The following RORA variants were observed in gnomAD, a reference collection of about 807,000 sequenced individuals.
The protein encoded by RORA is nuclear receptor ROR-alpha.
A neutral mutation model predicts 69.5 loss-of-function variants in RORA; 7 were observed. That is an observed-to-expected ratio of 0.10 (90% CI 0.06 to 0.19). RORA has a LOEUF of 0.19. RORA is among the 10% of genes least tolerant of loss of function. The pLI is 1.00. For missense variants in RORA, 457 were observed against 663.0 expected, an observed-to-expected ratio of 0.69 and a Z score of 3.41; for synonymous variants, 261 against 240.8, an observed-to-expected ratio of 1.08 and a Z score of -0.78.
At chr15:61,107,458 G>A (rs963407730) in intron 1 of RORA, among the ~76,000 whole-genome samples, 1 of 152,074 alleles carries the variant, frequency 6.6e-6, no homozygotes, top group African/African-American at 2.4e-5. Context: ...CAAGTTGGTA[G>A]GAACGTGAGA....
At chr15:60,778,626 G>C (rs904514560) in intron 1 of RORA, among the ~76,000 whole-genome samples, 5 of 152,032 alleles carry the variant, frequency 3.3e-5, no homozygotes, top group Admixed American at 2.0e-4. Context: ...TGAAGGTAGG[G>C]GGTCAGGAAC....
In RORA at chr15:60,496,127, T is replaced by C. The variant is rs528172305; in HGVS notation, c.*1328A>G. Reference sequence around the variant, plus strand: ...CGTTTTTCAAATATGGAGAGCAACATTCTTGAATTATAGCATCTATTGACA... The same window carrying C: ...CGTTTTTCAAATATGGAGAGCAACACTCTTGAATTATAGCATCTATTGACA... On this transcript the variant is annotated 3_prime_UTR_variant, in exon 11 of 11. Transcript: ENST00000335670. This position sits in a 1 kb window ranked among gnomAD's most constrained non-coding sequence, Gnocchi z 4.5. 7 of 152,300 alleles carry C rather than the reference T, an allele frequency of 4.6e-5. No homozygotes were observed. The highest frequency in any genetic ancestry group is 4.6e-4 in the Admixed American group (7 of 15,302). The allele number at this position is 152,300 out of a possible 1,614,324, so 9.4% of individuals were successfully genotyped here.
chr15:60,543,759 G>T (rs2066980177), intron 2 of RORA, among the ~76,000 whole-genome samples: 1 of 152,146 alleles, frequency 6.6e-6, no homozygotes, highest in African/African-American at 2.4e-5. Flanking sequence ...TGGGATCACT[G>T]TCTATCTTTT....
intron 1 of RORA, among the ~76,000 whole-genome samples, chr15:61,221,560 T>C (rs1398910646): frequency 6.6e-6 from 1 of 152,244 alleles, no homozygotes; most frequent in Non-Finnish European, 1.5e-5. Context: ...TCTTATCACG[T>C]GTACAATCCC....
At chr15:61,099,230 A>C (rs2078842960) in intron 1 of RORA, among the ~76,000 whole-genome samples, 1 of 152,234 alleles carries the variant, frequency 6.6e-6, no homozygotes, top group Non-Finnish European at 1.5e-5. Context: ...TCAGATTGGA[A>C]TGGGAATTGC....
intron 1 of RORA, among the ~76,000 whole-genome samples, chr15:60,985,463 T>A (rs952822244): frequency 2.0e-5 from 3 of 152,138 alleles, no homozygotes; most frequent in Non-Finnish European, 4.4e-5. Flanking sequence ...AAAAATGAAA[T>A]CCTTTTTAAA....
intron 2 of RORA, among the ~76,000 whole-genome samples, chr15:60,574,448 T>A (rs2067970014): frequency 6.6e-6 from 1 of 152,214 alleles, no homozygotes; most frequent in African/African-American, 2.4e-5. Flanking sequence ...TCAGCCCCCA[T>A]CTGACCAGAC....
Position 61,184,697 on chromosome 15 carries a change from C to G in RORA, c.166+44356G>C, listed in dbSNP as rs143198737. 5.5e-3 allele frequency among the ~76,000 whole-genome samples: 831 copies of G among 152,230 alleles called. 4 individuals carry two copies. Among genetic ancestry groups the G allele is most frequent in the Non-Finnish European group, 8.7e-3 (594 of 68,008 alleles). On this transcript the variant is annotated intron_variant, in intron 1 of 10. Coordinates refer to ENST00000335670, the MANE Select transcript of RORA (RefSeq NM_134261.3). ...GCTGAATCAAAGGACTGTTAGGAGACTGTTAGGCTGGGAGTGATGGCTCAA... is the reference window on the plus strand; with the variant it reads ...GCTGAATCAAAGGACTGTTAGGAGAGTGTTAGGCTGGGAGTGATGGCTCAA...
At chr15:60,793,608 C>T (rs1432861757) in intron 1 of RORA, among the ~76,000 whole-genome samples, 3 of 152,102 alleles carry the variant, frequency 2.0e-5, no homozygotes, top group Non-Finnish European at 2.9e-5. Flanking sequence ...TAGTCAAGTG[C>T]GAAAGTTCAC....
chr15:61,208,746 T>C (rs924164354), intron 1 of RORA, among the ~76,000 whole-genome samples: 9 of 152,256 alleles, frequency 5.9e-5, no homozygotes, highest in East Asian at 1.9e-4. Context: ...ACATAATTAA[T>C]GGTGGGCTGG....
At chr15:61,199,733 G>A (rs1288188371) in intron 1 of RORA, among the ~76,000 whole-genome samples, 2 of 152,154 alleles carry the variant, frequency 1.3e-5, no homozygotes, top group East Asian at 1.9e-4. Flanking sequence ...TGGGAAGGGG[G>A]GGAAATGTAA....
intron 1 of RORA, among the ~76,000 whole-genome samples, chr15:60,691,571 G>A (rs2070826384): frequency 6.6e-6 from 1 of 152,156 alleles, no homozygotes; most frequent in African/African-American, 2.4e-5. Flanking sequence ...TAGAGGGTGA[G>A]ACAAGTGCTA....
intron 2 of RORA, among the ~76,000 whole-genome samples, chr15:60,606,979 C>T (rs891463714): frequency 3.3e-5 from 5 of 152,140 alleles, no homozygotes; most frequent in Admixed American, 1.3e-4. Flanking sequence ...TACTCCGAGG[C>T]TTTTTTCTCT....
intron 1 of RORA, among the ~76,000 whole-genome samples, chr15:60,829,591 A>G (rs76633163): frequency 0.043 from 6,604 of 152,236 alleles, 211 homozygotes; most frequent in Middle Eastern, 0.085. Context: ...ACATGGTATA[A>G]GCTCGCCAGG....
chr15:60,799,405 T>C (rs2072546677), intron 1 of RORA, among the ~76,000 whole-genome samples: 2 of 152,070 alleles, frequency 1.3e-5, no homozygotes. Context: ...ATGGCTAGCC[T>C]GAAACATTAC....
chr15:60,800,116 G>C (rs990808971), intron 1 of RORA, among the ~76,000 whole-genome samples: 2 of 152,210 alleles, frequency 1.3e-5, no homozygotes, highest in African/African-American at 4.8e-5. Flanking sequence ...TGGCTACGGT[G>C]AGAGTATTTA....
intron 1 of RORA, among the ~76,000 whole-genome samples, chr15:60,863,369 T>C (rs1161963831): frequency 6.6e-6 from 1 of 152,192 alleles, no homozygotes; most frequent in Non-Finnish European, 1.5e-5. Flanking sequence ...CCCGAAGACA[T>C]AGTTTTTGTG....
chr15:60,539,481 T>C (rs1159566870), intron 2 of RORA, among the ~76,000 whole-genome samples: 1 of 152,192 alleles, frequency 6.6e-6, no homozygotes, highest in Non-Finnish European at 1.5e-5. Context: ...GTGGGTGGCT[T>C]TTTTAGATCC....
At chr15:60,914,257 C>T (rs973000320) in intron 1 of RORA, among the ~76,000 whole-genome samples, 6 of 152,158 alleles carry the variant, frequency 3.9e-5, no homozygotes, top group African/African-American at 9.6e-5. Context: ...TGTCAGACTG[C>T]GAGAGAAAGG....
Sources: allele counts gnomAD v4.1 joint callset (sites outside exome capture counted in the v4.1 genomes callset), GRCh38; gene constraint gnomAD v4.1.1; non-coding constraint Gnocchi (gnomAD v3.1); transcripts MANE v1.5; gene names NCBI Gene and HGNC (gene_info 2026-07-23, HGNC 2026-07-21).